The following SCOC variants were observed in gnomAD, a reference collection of about 807,000 sequenced individuals.
SCOC encodes the protein short coiled-coil protein.
SCOC carries 7 observed loss-of-function variants against 9.9 expected under a neutral mutation model. That is an observed-to-expected ratio of 0.71 (90% CI 0.40 to 1.33). The LOEUF (loss-of-function observed/expected upper bound fraction) is 1.33. Among genes scored for constraint, SCOC ranks in the 40% most tolerant of loss-of-function variants. SCOC has a pLI of 0.01. For synonymous variants in SCOC, 19 were observed against 28.2 expected, an observed-to-expected ratio of 0.67 and a Z score of 1.03; for missense variants, 66 against 89.7, an observed-to-expected ratio of 0.74 and a Z score of 1.07.
chr4:140,367,618 TC>T (rs764333835), intron 2 of SCOC, among the ~76,000 whole-genome samples: 16 of 152,166 alleles, frequency 1.1e-4, no homozygotes, highest in Non-Finnish European at 2.4e-4. Context: ...GACCTCATGA[TC>T]CACCTGCCTC....
intron 1 of SCOC, chr4:140,293,437 A>G: frequency 2.2e-6 from 1 of 456,392 alleles, no homozygotes; most frequent in Non-Finnish European, 4.4e-6. Context: ...AAAGAATAAG[A>G]GAGGAGCAGG....
At chr4:140,315,586 A>G (rs1239630064) in intron 1 of SCOC, among the ~76,000 whole-genome samples, 1 of 152,216 alleles carries the variant, frequency 6.6e-6, no homozygotes, top group Non-Finnish European at 1.5e-5. Context: ...TTATTCTATT[A>G]GTAGGTCCAA....
At chr4:140,379,483 T>C in intron 2 of SCOC, 86 bp from the exon 3 acceptor site, 1 of 972,622 alleles carries the variant, frequency 1.0e-6, no homozygotes, top group Non-Finnish European at 1.6e-6. Context: ...AGAATGAATA[T>C]AAAACATTTT....
chr4:140,369,166 AAT>A (rs1727933186), upstream of SCOC: 1 of 198,962 alleles, frequency 5.0e-6, no homozygotes, highest in Non-Finnish European at 1.1e-5. Flanking sequence ...CAGAAATTAT[AAT>A]CTTGAGAAAG....
At chr4:140,349,283 T>G (rs561088553) in intron 2 of SCOC, among the ~76,000 whole-genome samples, 28 of 152,178 alleles carry the variant, frequency 1.8e-4, no homozygotes, top group African/African-American at 6.5e-4. Flanking sequence ...ACTATTGTCA[T>G]GGAGGGACAG....
upstream of SCOC, among the ~76,000 whole-genome samples, chr4:140,368,873 T>G (rs924110797): frequency 1.3e-5 from 2 of 152,230 alleles, no homozygotes; most frequent in African/African-American, 4.8e-5. Context: ...GGCAGCTTCT[T>G]GCATGACTCA....
intron 1 of SCOC, among the ~76,000 whole-genome samples, chr4:140,296,283 C>A (rs1731634769): frequency 6.6e-6 from 1 of 152,152 alleles, no homozygotes; most frequent in South Asian, 2.1e-4. Flanking sequence ...GTGAGAGATG[C>A]TGTTAGGAAA....
chr4:140,379,149 G>T lies in SCOC; in HGVS notation c.-22G>T, dbSNP rs1351902506. 11 of 1,609,350 alleles carry T rather than the reference G, an allele frequency of 6.8e-6. No homozygotes were observed. The highest frequency in any genetic ancestry group is 9.4e-6 in the Non-Finnish European group (11 of 1,176,054). On this transcript the variant is annotated 5_prime_UTR_variant, in exon 2 of 4. Transcript: ENST00000608372. ...ATTCCTCAAGAATTTTGTATCCAAGGCCCAAAAGTTTGTTACCCAAGATGA... is the reference window on the plus strand; with the variant it reads ...ATTCCTCAAGAATTTTGTATCCAAGTCCCAAAAGTTTGTTACCCAAGATGA...
At chr4:140,376,955 TATC>T (rs1728369956) in intron 1 of SCOC, among the ~76,000 whole-genome samples, 1 of 152,254 alleles carries the variant, frequency 6.6e-6, no homozygotes, top group Non-Finnish European at 1.5e-5. Context: ...TCTTCTTAGC[TATC>T]ATGAAAATTC....
chr4:140,370,986 T>C (rs1360198196), upstream of SCOC, among the ~76,000 whole-genome samples: 13 of 151,754 alleles, frequency 8.6e-5, no homozygotes, highest in African/African-American at 2.9e-4. Flanking sequence ...CCTGGGTTCA[T>C]GCCACTCTCC....
intron 2 of SCOC, among the ~76,000 whole-genome samples, chr4:140,362,299 C>CTTCTTCTTCTTCTTT (rs367795160): frequency 2.6e-5 from 1 of 38,348 alleles, no homozygotes; most frequent in African/African-American, 7.5e-5. Flanking sequence ...TCTTCTTCTT[C>CTTCTTCTTCTTCTTT]TTTTTTTTTT....
intron 1 of SCOC, among the ~76,000 whole-genome samples, chr4:140,290,451 C>G (rs1339449348): frequency 6.6e-6 from 1 of 152,156 alleles, no homozygotes; most frequent in Non-Finnish European, 1.5e-5. Flanking sequence ...CCTTTGGTTC[C>G]ACTCATTTCC....
chr4:140,288,148 T>C lies in SCOC; in HGVS notation c.-19+30738T>C, dbSNP rs531475915. Among the ~76,000 whole-genome samples the C allele has an allele frequency of 2.6e-5, 4 of 152,148 alleles. No individual in the cohort carries two copies. The South Asian group carries it at 8.3e-4, about 32-fold the overall frequency. The stretch of plus-strand genomic sequence containing the variant: ...GCACCACACACAGCACACACTTTTA[T>C]GTATAGATACCACATAGATATACTA... On this transcript the variant is annotated intron_variant, in intron 1 of 4. Coordinates refer to the SCOC transcript ENST00000394205.
chr4:140,370,040 A>G (rs1727985204), upstream of SCOC, among the ~76,000 whole-genome samples: 2 of 151,914 alleles, frequency 1.3e-5, no homozygotes, highest in Non-Finnish European at 2.9e-5. Context: ...AAGCTGAGTC[A>G]TGCAAGAGCT....
At position 140,379,640 on chromosome 4, in the gene SCOC, C is replaced by A. The variant is rs771871360; in HGVS notation, c.94C>A (p.His32Asn). 11 of 1,610,072 alleles carry A rather than the reference C, an allele frequency of 6.8e-6. No homozygotes were observed. The African/African-American group carries it at 1.3e-4, about 20-fold the overall frequency. The change falls in exon 3 of 4, where the codon CAC becomes AAC. Residue 32 changes from histidine to asparagine, a missense_variant. Physicochemically the swap from His to Asn is moderately conservative, Grantham distance 68. Coordinates refer to ENST00000608372, the MANE Select transcript of SCOC (RefSeq NM_001153484.2). ...TATTAATCAAGTGTTGGAACTCCAACACACACTTGAAGGTTGGCTTGCATT... is the reference window on the plus strand; with the variant it reads ...TATTAATCAAGTGTTGGAACTCCAAAACACACTTGAAGGTTGGCTTGCATT... ...RLINQVLELQ[H>N]TLEDLSARVD...
chr4:140,362,299 C>CTTCTTCTTCTTCTTCT lies in SCOC; in HGVS notation c.71-16820_71-16819insCTTCTTCTTCTTCTTT, dbSNP rs367795160. On this transcript the variant is annotated intron_variant, in intron 2 of 4. Transcript: ENST00000338517. ...CTTACTTCTTCTTCTTCTTCTTCTT[C>CTTCTTCTTCTTCTTCT]TTTTTTTTTTTTTTTTGTGAGAGTC... Among the ~76,000 whole-genome samples the CTTCTTCTTCTTCTTCT allele has an allele frequency of 1.2e-3, 46 of 38,370 alleles. 2 individuals are homozygous for CTTCTTCTTCTTCTTCT. The highest frequency in any genetic ancestry group is 3.4e-3 in the African/African-American group (45 of 13,380). 25.2% of individuals were successfully genotyped at this position (38,370 alleles called of 152,430 possible). A position where few individuals can be genotyped will look rare whatever the true frequency, so the allele number is the denominator to read the frequency against.
intron 2 of SCOC, among the ~76,000 whole-genome samples, chr4:140,367,443 G>A (rs1023098976): frequency 6.6e-6 from 1 of 151,828 alleles, no homozygotes; most frequent in Non-Finnish European, 1.5e-5. Context: ...GCAGTGGCGT[G>A]ATCTTAGCTA....
At chr4:140,366,999 A>T (rs1727831477) in intron 2 of SCOC, 1 of 415,064 alleles carries the variant, frequency 2.4e-6, no homozygotes, top group Admixed American at 3.6e-5. Context: ...TGAGGTCAGG[A>T]GTTTGAGACT....
chr4:140,324,215 A>G (rs1008678582), intron 1 of SCOC, among the ~76,000 whole-genome samples: 2 of 152,196 alleles, frequency 1.3e-5, no homozygotes, highest in East Asian at 3.8e-4. Context: ...AACTTTATAT[A>G]GGAAAGCTAT....
Sources: gnomAD v4.1 joint callset for allele counts (sites outside exome capture counted in the v4.1 genomes callset) on GRCh38, gnomAD v4.1.1 for gene constraint, MANE v1.5 for transcripts, NCBI Gene and HGNC (gene_info 2026-07-23, HGNC 2026-07-21) for gene names.